NEGR1: variants seen among roughly 807,000 people sequenced by gnomAD.
The protein encoded by NEGR1 is IgLON family member 4.
In NEGR1, 10 loss-of-function variants were observed where a neutral mutation model predicts 40.9. The ratio of observed to expected loss-of-function variants is 0.24; its 90% confidence interval spans 0.15 to 0.42. The LOEUF is 0.42. Ranked by LOEUF, NEGR1 falls within the 10% of genes least tolerant of loss-of-function variation. The pLI is 1.00. For synonymous variants in NEGR1, 185 were observed against 166.8 expected (o/e 1.11, Z -0.84); for missense variants, 352 against 438.9 (o/e 0.80, Z 1.77).
At chr1:71,580,954 G>A (rs984159307) in intron 6 of NEGR1, among the ~76,000 whole-genome samples, 2 of 151,980 alleles carry the variant, frequency 1.3e-5, no homozygotes, top group South Asian at 2.1e-4. Flanking sequence ...GAAATTCTGC[G>A]ATTTATTTAT....
chr1:71,903,106 T>C (rs948239979), intron 2 of NEGR1, among the ~76,000 whole-genome samples: 1 of 151,964 alleles, frequency 6.6e-6, no homozygotes, highest in African/African-American at 2.4e-5. Context: ...ATCCAAAATA[T>C]GTAAACATAA....
At chr1:71,700,188 C>G (rs1011656005) in intron 3 of NEGR1, among the ~76,000 whole-genome samples, 1 of 151,812 alleles carries the variant, frequency 6.6e-6, no homozygotes, top group Non-Finnish European at 1.5e-5. Flanking sequence ...TGTAAGGAAC[C>G]ATATGCTTTC....
intron 4 of NEGR1, among the ~76,000 whole-genome samples, chr1:71,688,553 G>A (rs1481464789): frequency 6.7e-5 from 10 of 149,212 alleles, no homozygotes; most frequent in Non-Finnish European, 1.5e-4. Context: ...CTCCCTCCCA[G>A]GTTCAAGTTT....
intron 1 of NEGR1, among the ~76,000 whole-genome samples, chr1:71,990,920 T>TATA (rs1557472048): frequency 9.2e-6 from 1 of 109,212 alleles, no homozygotes; most frequent in African/African-American, 3.4e-5. Context: ...ATATATATAT[T>TATA]TTTTTTTTAA....
intron 1 of NEGR1, among the ~76,000 whole-genome samples, chr1:72,137,343 C>G (rs1023048897): frequency 2.0e-5 from 3 of 152,066 alleles, no homozygotes; most frequent in African/African-American, 7.2e-5. Flanking sequence ...TTGGAATCAA[C>G]CCAAATTCCA....
intron 1 of NEGR1, among the ~76,000 whole-genome samples, chr1:71,990,823 T>C (rs983417054): frequency 1.3e-5 from 2 of 152,110 alleles, no homozygotes; most frequent in South Asian, 2.1e-4. Context: ...ATTTTCTTTC[T>C]GAGAAAGCTC....
At chr1:71,550,613 C>T (rs559874512) in intron 6 of NEGR1, among the ~76,000 whole-genome samples, 1 of 151,664 alleles carries the variant, frequency 6.6e-6, no homozygotes, top group East Asian at 2.0e-4. Flanking sequence ...CATATACTAC[C>T]TTGTAGCCAT....
At chr1:71,688,251 G>A (rs534879446) in intron 4 of NEGR1, among the ~76,000 whole-genome samples, 7 of 142,256 alleles carry the variant, frequency 4.9e-5, no homozygotes, top group South Asian at 2.2e-4. Context: ...GCCTGACTTC[G>A]TAGTCACTGT....
intron 1 of NEGR1, among the ~76,000 whole-genome samples, chr1:71,987,909 GA>G (rs368724127): frequency 0.046 from 6,993 of 152,292 alleles, 203 homozygotes; most frequent in Non-Finnish European, 0.073. Context: ...GAATTTGAAA[GA>G]GGAGCCCTTC....
At chr1:71,744,686 C>A (rs1019059773) in intron 3 of NEGR1, among the ~76,000 whole-genome samples, 1 of 152,080 alleles carries the variant, frequency 6.6e-6, no homozygotes, top group African/African-American at 2.4e-5. Flanking sequence ...GAGAACAAGT[C>A]AAATTCTTGG....
intron 6 of NEGR1, among the ~76,000 whole-genome samples, chr1:71,541,212 T>A (rs1038783405): frequency 1.3e-4 from 19 of 151,468 alleles, no homozygotes; most frequent in South Asian, 2.1e-4. Context: ...GTAGGAAAGG[T>A]TTTTTTTAAA....
At chr1:71,431,093 T>A (rs1372520395) in intron 6 of NEGR1, among the ~76,000 whole-genome samples, 1 of 144,276 alleles carries the variant, frequency 6.9e-6, no homozygotes, top group East Asian at 2.1e-4. Context: ...ACCTTTTTTT[T>A]ATGATCATAA....
At chr1:72,278,035 T>G (rs1371135771) in intron 1 of NEGR1, among the ~76,000 whole-genome samples, 1 of 152,088 alleles carries the variant, frequency 6.6e-6, no homozygotes, top group African/African-American at 2.4e-5. Flanking sequence ...GGATAAGCAA[T>G]AATAAATACT....
chr1:71,556,644 C>CAG (rs772216976), intron 6 of NEGR1, among the ~76,000 whole-genome samples: 6 of 151,162 alleles, frequency 4.0e-5, no homozygotes, highest in African/African-American at 1.5e-4. Flanking sequence ...CACACACACA[C>CAG]ACACACACAT....
intron 1 of NEGR1, among the ~76,000 whole-genome samples, chr1:72,104,919 A>C (rs146938377): frequency 5.9e-4 from 90 of 152,294 alleles, no homozygotes; most frequent in African/African-American, 2.1e-3. Flanking sequence ...ATCAGAGTAC[A>C]GTCTGTTCAC....
intron 6 of NEGR1, among the ~76,000 whole-genome samples, chr1:71,525,119 G>A (rs1239362697): frequency 1.3e-5 from 2 of 151,720 alleles, no homozygotes; most frequent in Non-Finnish European, 3.0e-5. Flanking sequence ...ATACACCTAG[G>A]AAATCATTCA....
intron 2 of NEGR1, among the ~76,000 whole-genome samples, chr1:71,807,097 C>T (rs533526691): frequency 2.0e-5 from 3 of 151,892 alleles, no homozygotes; most frequent in East Asian, 1.9e-4. Flanking sequence ...AGGGTTTCAC[C>T]GTGTTAGCCA....
chr1:71,885,690 T>C (rs1328941205), intron 2 of NEGR1, among the ~76,000 whole-genome samples: 3 of 152,116 alleles, frequency 2.0e-5, no homozygotes. Context: ...CACAGAAACA[T>C]TAGAGAATAG....
At chr1:71,999,950 A>G (rs1171221839) in intron 1 of NEGR1, among the ~76,000 whole-genome samples, 8 of 151,760 alleles carry the variant, frequency 5.3e-5, no homozygotes, top group Admixed American at 5.3e-4. Flanking sequence ...GCATATCCAT[A>G]TTACAATAGT....
Sources: allele counts gnomAD v4.1 joint callset (sites outside exome capture counted in the v4.1 genomes callset), GRCh38; gene constraint gnomAD v4.1.1; transcripts MANE v1.5; gene names NCBI Gene and HGNC (gene_info 2026-07-23, HGNC 2026-07-21).